Variants in CTNNA3 observed in about 807,000 individuals in gnomAD.
The protein encoded by CTNNA3 is catenin alpha 3.
Under a neutral mutation model 95.7 loss-of-function variants are expected in CTNNA3, and 76 were observed. The observed-to-expected ratio is 0.79, with a 90% CI of 0.66 to 0.96. CTNNA3 has a LOEUF of 0.96. Ranked by LOEUF, CTNNA3 falls within the 40% of genes least tolerant of loss-of-function variation. The pLI, the probability that CTNNA3 is intolerant of heterozygous loss-of-function variation, is 0.00. For synonymous variants in CTNNA3, 431 were observed against 374.4 expected, an observed-to-expected ratio of 1.15 and a Z score of -1.74; for missense variants, 1,191 against 1,089.8, an observed-to-expected ratio of 1.09 and a Z score of -1.31.
chr10:67,656,473 T>C (rs1043968721), intron 1 of CTNNA3, among the ~76,000 whole-genome samples: 4 of 152,202 alleles, frequency 2.6e-5, no homozygotes, highest in African/African-American at 4.8e-5. Context: ...TTACTGACTA[T>C]CTACTCTGTG....
At chr10:66,497,514 G>T (rs1176085278) in intron 11 of CTNNA3, among the ~76,000 whole-genome samples, 1 of 151,932 alleles carries the variant, frequency 6.6e-6, no homozygotes, top group Admixed American at 6.6e-5. Context: ...ACTGTATAGG[G>T]CTAATTTTTC....
intron 5 of CTNNA3, among the ~76,000 whole-genome samples, chr10:67,411,038 G>C (rs1845346722): frequency 6.6e-6 from 1 of 152,082 alleles, no homozygotes. Flanking sequence ...GTGGTTAACA[G>C]AGGCTGGGAG....
intron 7 of CTNNA3, among the ~76,000 whole-genome samples, chr10:67,023,542 C>T (rs1220179069): frequency 2.0e-5 from 3 of 152,158 alleles, no homozygotes; most frequent in Non-Finnish European, 4.4e-5. Context: ...ATACATGATT[C>T]TTCCACTTCT....
intron 9 of CTNNA3, among the ~76,000 whole-genome samples, chr10:66,759,892 A>G (rs1839534075): frequency 6.6e-6 from 1 of 152,214 alleles, no homozygotes; most frequent in South Asian, 2.1e-4. Context: ...TATTAAAACC[A>G]GTTTACCTGT....
chr10:67,440,807 G>T (rs1472114861), intron 5 of CTNNA3, among the ~76,000 whole-genome samples: 1 of 151,856 alleles, frequency 6.6e-6, no homozygotes. Context: ...TCAAATACCT[G>T]GGAAGCCTTT....
At chr10:67,549,740 T>C (rs1840958968) in intron 3 of CTNNA3, among the ~76,000 whole-genome samples, 1 of 152,232 alleles carries the variant, frequency 6.6e-6, no homozygotes, top group Non-Finnish European at 1.5e-5. Context: ...TAATATTTTA[T>C]GACATGAAAA....
In CTNNA3 at chr10:66,399,645, C is replaced by G. The variant is rs535836887; in HGVS notation, c.1532-20293G>C. Among the ~76,000 whole-genome samples the G allele has an allele frequency of 7.2e-5, 11 of 151,994 alleles. No individual in the cohort carries two copies. The South Asian group carries it at 2.3e-3, about 31-fold the overall frequency. ...ATGCAAAATTCCTTTGTTCCTTATC[C>G]TACTATACAGATCTATGCTGTCATC... On this transcript the variant is annotated intron_variant, in intron 11 of 17. Coordinates refer to ENST00000433211, the MANE Select transcript of CTNNA3 (RefSeq NM_013266.4).
rs531880098 is a variant in CTNNA3 at position 66,691,540 on chromosome 10, C to T, written c.1282-69756G>A. 3.3e-5 allele frequency among the ~76,000 whole-genome samples: 5 copies of T among 152,294 alleles called. No individual in the cohort carries two copies. In the East Asian group the frequency reaches 5.8e-4, roughly 18 times the overall value. ...TCCACCTCTGGGGGCAGGGCACAGA[C>T]AAACAAAGAGACAGCAGTAACCTCT... On this transcript the variant is annotated intron_variant, in intron 9 of 17. Coordinates refer to ENST00000433211, the MANE Select transcript of CTNNA3 (RefSeq NM_013266.4).
chr10:66,081,892 G>C (rs919225765), intron 14 of CTNNA3, among the ~76,000 whole-genome samples: 1 of 152,050 alleles, frequency 6.6e-6, no homozygotes, highest in African/African-American at 2.4e-5. Flanking sequence ...TGCGGTGGGC[G>C]GATCACTTGA....
At chr10:67,165,375 G>C (rs1439832111) in intron 7 of CTNNA3, among the ~76,000 whole-genome samples, 1 of 152,136 alleles carries the variant, frequency 6.6e-6, no homozygotes, top group Non-Finnish European at 1.5e-5. Flanking sequence ...GGTAGGGGTA[G>C]GGAGGGGCAG....
At chr10:67,238,666 G>A (rs1865598361) in intron 5 of CTNNA3, among the ~76,000 whole-genome samples, 1 of 152,062 alleles carries the variant, frequency 6.6e-6, no homozygotes, top group Non-Finnish European at 1.5e-5. Context: ...ATTGGAAAAC[G>A]CATGATAAAA....
At chr10:66,123,676 C>T (rs1457781741) in intron 13 of CTNNA3, among the ~76,000 whole-genome samples, 1 of 152,184 alleles carries the variant, frequency 6.6e-6, no homozygotes, top group Non-Finnish European at 1.5e-5. Flanking sequence ...CAGGCATTTC[C>T]ATATATCCTC....
chr10:67,356,351 A>T (rs368475579), intron 5 of CTNNA3, among the ~76,000 whole-genome samples: 18 of 152,090 alleles, frequency 1.2e-4, no homozygotes, highest in African/African-American at 4.3e-4. Flanking sequence ...CTCCCTCCAA[A>T]AATCCAGCCT....
At chr10:66,577,440 T>C (rs1843041591) in intron 10 of CTNNA3, among the ~76,000 whole-genome samples, 1 of 152,138 alleles carries the variant, frequency 6.6e-6, no homozygotes, top group Admixed American at 6.5e-5. Context: ...AGTTTTCTTC[T>C]AGGGTTTTTA....
intron 7 of CTNNA3, among the ~76,000 whole-genome samples, chr10:66,802,685 C>G (rs1056328406): frequency 4.0e-5 from 6 of 151,296 alleles, no homozygotes; most frequent in African/African-American, 1.2e-4. Context: ...CAAAAATATT[C>G]ATAGCCATCT....
chr10:67,482,559 T>C (rs1195883295), intron 5 of CTNNA3, among the ~76,000 whole-genome samples: 1 of 152,168 alleles, frequency 6.6e-6, no homozygotes. Flanking sequence ...TTGTCTGTTA[T>C]TGGTGTATAA....
At chr10:66,611,643 T>C (rs1844334186) in intron 10 of CTNNA3, among the ~76,000 whole-genome samples, 1 of 152,134 alleles carries the variant, frequency 6.6e-6, no homozygotes, top group Non-Finnish European at 1.5e-5. Flanking sequence ...TTAAGATGAC[T>C]GCTCACTTCC....
chr10:66,442,147 T>G (rs1016476781), intron 11 of CTNNA3, among the ~76,000 whole-genome samples: 2 of 152,182 alleles, frequency 1.3e-5, no homozygotes, highest in Non-Finnish European at 2.9e-5. Flanking sequence ...ATAGTATAAC[T>G]ATTTACACAG....
At chr10:66,966,128 G>A (rs777380688) in intron 7 of CTNNA3, among the ~76,000 whole-genome samples, 1 of 151,764 alleles carries the variant, frequency 6.6e-6, no homozygotes, top group Non-Finnish European at 1.5e-5. Context: ...TTATTTTATA[G>A]TGCCATTTTG....
Sources: allele counts gnomAD v4.1 joint callset (sites outside exome capture counted in the v4.1 genomes callset), GRCh38; gene constraint gnomAD v4.1.1; transcripts MANE v1.5; gene names NCBI Gene and HGNC (gene_info 2026-07-23, HGNC 2026-07-21).